PRRC2B: variants seen among roughly 807,000 people sequenced by gnomAD.
PRRC2B encodes proline rich coiled-coil 2B.
Under a neutral mutation model 242.3 loss-of-function variants are expected in PRRC2B, and 68 were observed. The observed-to-expected ratio is 0.28, with a 90% confidence interval of 0.23 to 0.34. The LOEUF (loss-of-function observed/expected upper bound fraction) is 0.34, where lower values mean the gene tolerates loss of function less well. Ranked by LOEUF, PRRC2B falls within the 10% of genes least tolerant of loss-of-function variation. The pLI is 1.00. For synonymous variants in PRRC2B, 1,228 were observed against 1,173.6 expected (o/e 1.05, Z -0.95); for missense variants, 2,835 against 2,954.8 (o/e 0.96, Z 0.94).
intron 1 of PRRC2B, among the ~76,000 whole-genome samples, chr9:131,404,527 T>C (rs975172127): frequency 6.6e-6 from 1 of 152,130 alleles, no homozygotes; most frequent in African/African-American, 2.4e-5. Flanking sequence ...CGGCCCCCAG[T>C]TGACTTTTTA....
chr9:131,485,845 T>C (rs1209141951), intron 25 of PRRC2B: 8 of 730,306 alleles, frequency 1.1e-5, no homozygotes, highest in African/African-American at 1.7e-5. Flanking sequence ...CCCACCTGCC[T>C]CCTCCCTCCT....
chr9:131,490,128 T>C (rs1244168906), intron 28 of PRRC2B, among the ~76,000 whole-genome samples: 1 of 152,102 alleles, frequency 6.6e-6, no homozygotes, highest in Non-Finnish European at 1.5e-5. Context: ...TCTGCTATGG[T>C]GTCTTATGGC....
chr9:131,461,581 C>T (rs376190470), intron 11 of PRRC2B, among the ~76,000 whole-genome samples: 4 of 152,200 alleles, frequency 2.6e-5, no homozygotes, highest in African/African-American at 9.6e-5. Context: ...CTCACTCTGT[C>T]GCCAGGCTGG....
At chr9:131,453,721 T>G (rs1253076840) in intron 9 of PRRC2B, among the ~76,000 whole-genome samples, 6 of 152,192 alleles carry the variant, frequency 3.9e-5, no homozygotes, top group African/African-American at 9.7e-5. Context: ...TTAGTAGAGA[T>G]ATGGTTTCGC....
chr9:131,465,502 A>C (rs558891470), intron 12 of PRRC2B, among the ~76,000 whole-genome samples: 21 of 152,184 alleles, frequency 1.4e-4, no homozygotes, highest in Non-Finnish European at 7.4e-5. Context: ...CAGCACGCGG[A>C]GGGGTGTACA....
At position 131,475,401 on chromosome 9, in the gene PRRC2B, G is replaced by A; in HGVS notation, c.3272G>A (p.Gly1091Glu). The change falls in exon 16 of 32, where the codon GGG (glycine) becomes GAG (glutamate). Residue 1091 changes from glycine (G) to glutamate (E), a missense_variant. Transcript: ENST00000683519. Reference sequence around the variant, plus strand: ...GGAAATGGGAGCGGCCTCTGTGGTGGGGGGGTCCTGGGGGCCCGCAGCATC... The same window carrying A: ...GGAAATGGGAGCGGCCTCTGTGGTGAGGGGGTCCTGGGGGCCCGCAGCATC... ...AGGNGSGLCG[G>E]GVLGARSIYC... 12 of 1,578,568 alleles carry A rather than the reference G, an allele frequency of 7.6e-6. No individual in the cohort carries two copies. The South Asian group carries it at 1.2e-4, about 15-fold the overall frequency.
chr9:131,467,033 C>G (rs1943415535), intron 12 of PRRC2B, among the ~76,000 whole-genome samples: 1 of 152,052 alleles, frequency 6.6e-6, no homozygotes, highest in Admixed American at 6.5e-5. Flanking sequence ...TATCTCCTGA[C>G]CTCGTGATCC....
rs1363692123 is a variant in PRRC2B, at chr9:131,464,951, G to A, written c.1593G>A (p.Gln531=). 1 of 1,613,990 alleles carries A rather than the reference G, an allele frequency of 6.2e-7. No individual in the cohort carries two copies. The highest frequency in any genetic ancestry group is 8.5e-7 in the Non-Finnish European group (1 of 1,179,896). ...RLAACAAKLK[Q]LDQKCKQARK... ...CCGCCTGTGCTGCCAAACTCAAGCA[G>A]CTGGACCAGAAGTGTAAGCAGGCAC... is the stretch of plus-strand genomic sequence containing the variant. Residue 531 remains glutamine, a synonymous_variant, in exon 12 of 32, where the codon CAG becomes CAA. Coordinates refer to ENST00000683519, the MANE Select transcript of PRRC2B (RefSeq NM_013318.4).
intron 1 of PRRC2B, among the ~76,000 whole-genome samples, chr9:131,397,116 T>G (rs1837082601): frequency 6.6e-6 from 1 of 152,198 alleles, no homozygotes; most frequent in Non-Finnish European, 1.5e-5. Context: ...GGCCCTTCCT[T>G]TTTGTCTGAC....
At chr9:131,420,478 TTTCTTTCTTTCTTTC>T (rs1467412224) in intron 1 of PRRC2B, among the ~76,000 whole-genome samples, 1,560 of 15,694 alleles carry the variant, frequency 0.099, 118 homozygotes, top group African/African-American at 0.18. Context: ...TCTTTCTTTC[TTTCTTTCTTTCTTTC>T]TTTTTTTTTT....
intron 19 of PRRC2B, among the ~76,000 whole-genome samples, chr9:131,480,596 A>T (rs1943829814): frequency 6.6e-6 from 1 of 151,754 alleles, no homozygotes; most frequent in Non-Finnish European, 1.5e-5. Flanking sequence ...GAGCCCTTGG[A>T]TATTAAAATA....
At chr9:131,404,465 A>G (rs1330307804) in intron 1 of PRRC2B, among the ~76,000 whole-genome samples, 1 of 151,690 alleles carries the variant, frequency 6.6e-6, no homozygotes, top group Non-Finnish European at 1.5e-5. Context: ...CAGGCGAGCC[A>G]CCCGCCTCAG....
chr9:131,375,446 C>T (rs765195226), intron 1 of PRRC2B, among the ~76,000 whole-genome samples: 1 of 152,018 alleles, frequency 6.6e-6, no homozygotes, highest in South Asian at 2.1e-4. Context: ...CAGTAGCTGT[C>T]TAGCAGGGTT....
At chr9:131,441,956 T>C (rs890393813) in intron 5 of PRRC2B, among the ~76,000 whole-genome samples, 11 of 143,000 alleles carry the variant, frequency 7.7e-5, no homozygotes, top group African/African-American at 2.9e-4. Context: ...TGGGACCTTA[T>C]GAATACTGGT....
At chr9:131,410,017 G>A (rs1263807166) in intron 1 of PRRC2B, among the ~76,000 whole-genome samples, 3 of 152,198 alleles carry the variant, frequency 2.0e-5, no homozygotes, top group Non-Finnish European at 4.4e-5. Context: ...TCTTTTATTT[G>A]CCAGGTCCTT....
chr9:131,407,885 C>T (rs1837407477), intron 1 of PRRC2B, among the ~76,000 whole-genome samples: 1 of 152,182 alleles, frequency 6.6e-6, no homozygotes, highest in Non-Finnish European at 1.5e-5. Flanking sequence ...ATAGTAAGGA[C>T]AGCCACCTTA....
At chr9:131,465,344 A>G (rs775242409) in intron 12 of PRRC2B, among the ~76,000 whole-genome samples, 2 of 152,186 alleles carry the variant, frequency 1.3e-5, no homozygotes, top group South Asian at 2.1e-4. Flanking sequence ...GAATGATCCT[A>G]TCACCCAGGT....
At chr9:131,395,765 T>C (rs1466621191) in intron 1 of PRRC2B, among the ~76,000 whole-genome samples, 1 of 152,080 alleles carries the variant, frequency 6.6e-6, no homozygotes, top group Non-Finnish European at 1.5e-5. Context: ...AGTGGGCGCT[T>C]ATACAGTGCT....
At chr9:131,468,686 C>CAGCA (rs1943460493) in intron 13 of PRRC2B, among the ~76,000 whole-genome samples, 2 of 152,312 alleles carry the variant, frequency 1.3e-5, no homozygotes, top group South Asian at 4.1e-4. Context: ...GCACACCAAA[C>CAGCA]AGCAAGGTGT....
Sources: gnomAD v4.1 joint callset for allele counts (sites outside exome capture counted in the v4.1 genomes callset) on GRCh38, gnomAD v4.1.1 for gene constraint, MANE v1.5 for transcripts, NCBI Gene and HGNC (gene_info 2026-07-23, HGNC 2026-07-21) for gene names.